TENT2: variants seen among roughly 807,000 people sequenced by gnomAD.
TENT2 encodes the protein poly(A) RNA polymerase GLD2.
Under a neutral mutation model 72.2 loss-of-function variants are expected in TENT2, and 44 were observed. The ratio of observed to expected loss-of-function variants is 0.61; its 90% confidence interval spans 0.48 to 0.78. TENT2 has a LOEUF of 0.78. Ranked by LOEUF, TENT2 falls within the 30% of genes least tolerant of loss-of-function variation. The probability of loss-of-function intolerance (pLI) is 0.00; values close to 1 mark genes in which losing one functional copy is unlikely to be tolerated. For missense variants in TENT2, 541 were observed against 569.6 expected (o/e 0.95, Z 0.51); for synonymous variants, 212 against 192.5 (o/e 1.10, Z -0.84).
chr5:79,657,002 G>A lies in TENT2; in HGVS notation c.1071+1G>A. The stretch of plus-strand genomic sequence containing the variant: ...TCCATCCCTCCAAAAAATTTACCCA[G>A]TAAGTGTTTCTTATAAATTATTATA... On this transcript the variant is annotated splice_donor_variant, in intron 11 of 14. Transcript: ENST00000453514. LOFTEE classifies it high-confidence loss of function. 6.3e-7 allele frequency: 1 copy of A among 1,580,200 alleles called. No individual in the cohort carries two copies. The highest frequency in any genetic ancestry group is 8.7e-7 in the Non-Finnish European group (1 of 1,151,198).
intron 11 of TENT2, among the ~76,000 whole-genome samples, chr5:79,661,706 G>C (rs1003328003): frequency 6.6e-6 from 1 of 152,232 alleles, no homozygotes; most frequent in Non-Finnish European, 1.5e-5. Context: ...GGAGAGTCTT[G>C]CTTTGATACT....
chr5:79,620,590 T>A (rs1319951988), intron 3 of TENT2: 1 of 152,622 alleles, frequency 6.6e-6, no homozygotes, highest in East Asian at 1.9e-4. Flanking sequence ...CACTGTGTCT[T>A]AATATGGCCG....
chr5:79,681,929 C>G, intron 13 of TENT2, 53 bp from the exon 14 acceptor site: 1 of 1,457,606 alleles, frequency 6.9e-7, no homozygotes, highest in Non-Finnish European at 9.5e-7. Context: ...AAAAAAGAAA[C>G]TGTAGCTCTC....
At chr5:79,680,120 TGA>T (rs1473263591) in intron 13 of TENT2, among the ~76,000 whole-genome samples, 3 of 152,202 alleles carry the variant, frequency 2.0e-5, no homozygotes, top group Non-Finnish European at 4.4e-5. Context: ...TACATGTAGT[TGA>T]ATATATCCTT....
chr5:79,668,432 G>A (rs934850287), intron 11 of TENT2, among the ~76,000 whole-genome samples: 2 of 152,048 alleles, frequency 1.3e-5, no homozygotes, highest in Non-Finnish European at 2.9e-5. Flanking sequence ...CTATATTAAA[G>A]TTACTCTTAC....
chr5:79,650,774 C>G (rs1290805824), intron 10 of TENT2, among the ~76,000 whole-genome samples: 3 of 151,962 alleles, frequency 2.0e-5, no homozygotes, highest in Non-Finnish European at 4.4e-5. Flanking sequence ...TCCTGGTAGA[C>G]TGGGCTTCTT....
At chr5:79,633,721 GTTTTTT>G (rs10565563) in intron 4 of TENT2, among the ~76,000 whole-genome samples, 29,739 of 130,222 alleles carry the variant, frequency 0.23, 4,408 homozygotes, top group African/African-American at 0.44. Context: ...AGGCTAAAAA[GTTTTTT>G]TTTTTTTTTT....
At chr5:79,629,015 A>T (rs1158364674) in intron 4 of TENT2, among the ~76,000 whole-genome samples, 1 of 152,298 alleles carries the variant, frequency 6.6e-6, no homozygotes, top group East Asian at 1.9e-4. Flanking sequence ...TGAGTCAGTG[A>T]GGCTGCTGTT....
rs183949861 is a variant in TENT2, at chr5:79,623,237, A to G, written c.228-15A>G. The G allele has an allele frequency of 6.3e-6, 10 of 1,589,566 alleles. No individual in the cohort carries two copies. The highest frequency in any genetic ancestry group is 3.5e-5 in the Admixed American group (2 of 57,266). Reference sequence around the variant, plus strand: ...GTTGTATCTTTAATTACTAAGGTATATTGCTTGTTTTCAGGAGATTAAGCG... The same window carrying G: ...GTTGTATCTTTAATTACTAAGGTATGTTGCTTGTTTTCAGGAGATTAAGCG... On this transcript the variant is annotated splice_polypyrimidine_tract_variant and intron_variant, in intron 3 of 14. Transcript: ENST00000453514.
chr5:79,657,041 CAA>C, intron 11 of TENT2, 40 bp downstream of exon 11: 1 of 1,339,026 alleles, frequency 7.5e-7, no homozygotes, highest in South Asian at 1.2e-5. Flanking sequence ...CATTTTATGT[CAA>C]GTGTATGTAG....
intron 8 of TENT2, among the ~76,000 whole-genome samples, chr5:79,648,250 G>C (rs903298892): frequency 3.3e-5 from 5 of 152,046 alleles, no homozygotes; most frequent in African/African-American, 1.2e-4. Flanking sequence ...TGAGGCTGGA[G>C]TAAGCTATGA....
At chr5:79,625,580 T>C (rs1414393450) in intron 4 of TENT2, among the ~76,000 whole-genome samples, 1 of 152,134 alleles carries the variant, frequency 6.6e-6, no homozygotes, top group African/African-American at 2.4e-5. Context: ...TTTTATAGTT[T>C]TAATTCTTAT....
chr5:79,621,936 G>A (rs1341804624), intron 3 of TENT2, among the ~76,000 whole-genome samples: 3 of 152,022 alleles, frequency 2.0e-5, no homozygotes, highest in African/African-American at 7.3e-5. Context: ...TTACCTGTGA[G>A]TAGGGGTTCC....
At chr5:79,624,816 T>A (rs1768080862) in intron 4 of TENT2, among the ~76,000 whole-genome samples, 1 of 152,206 alleles carries the variant, frequency 6.6e-6, no homozygotes, top group South Asian at 2.1e-4. Context: ...AGCTGATGAA[T>A]TTCTGGGTTG....
intron 6 of TENT2, among the ~76,000 whole-genome samples, chr5:79,642,229 A>G (rs1265646952): frequency 1.3e-5 from 2 of 152,042 alleles, no homozygotes; most frequent in Admixed American, 6.5e-5. Flanking sequence ...AGTTACTGCA[A>G]GTCAGAAAGA....
chr5:79,675,393 G>A (rs1816451859), intron 12 of TENT2, among the ~76,000 whole-genome samples: 1 of 152,164 alleles, frequency 6.6e-6, no homozygotes, highest in Non-Finnish European at 1.5e-5. Flanking sequence ...AGTGAAATGA[G>A]TCAGGGACAT....
chr5:79,687,732 T>C lies in TENT2; in HGVS notation c.*2459T>C, dbSNP rs1380849360. ...GAGGGTTGACTGTATTTGCATATGT[T>C]GTTAAAGTGGTGTTTAAAATGTGCA... On this transcript the variant is annotated 3_prime_UTR_variant, in exon 15 of 15. Transcript: ENST00000453514. Among the ~76,000 whole-genome samples the C allele has an allele frequency of 6.6e-6, 1 of 152,228 alleles. No homozygotes were observed. The highest frequency in any genetic ancestry group is 1.5e-5 in the Non-Finnish European group (1 of 68,040).
chr5:79,645,271 G>T, intron 8 of TENT2, 79 bp downstream of exon 8: 3 of 1,091,748 alleles, frequency 2.7e-6, no homozygotes, highest in Non-Finnish European at 4.0e-6. Flanking sequence ...TAATTAAGAA[G>T]TGTATGTTGT....
Position 79,648,760 on chromosome 5 carries a change from CATAA to C in TENT2, c.898+71_898+74del, listed in dbSNP as rs372258617. 78 of 1,207,990 alleles carry C rather than the reference CATAA, an allele frequency of 6.5e-5. 3 individuals are homozygous for C. In the African/African-American group the frequency reaches 7.2e-4, roughly 11 times the overall value. 74.8% of individuals were successfully genotyped at this position (1,207,990 alleles called of 1,614,324 possible). Reference sequence around the variant, plus strand: ...TTTATTCATTTTTAAAGATGTTTGGCATAAATAGTGACATCTCTTTAGTTGTGTT... The same window carrying C: ...TTTATTCATTTTTAAAGATGTTTGGCATAGTGACATCTCTTTAGTTGTGTT... On this transcript the variant is annotated intron_variant, in intron 9 of 14. Transcript: ENST00000453514.
Sources: gnomAD v4.1 joint callset for allele counts (sites outside exome capture counted in the v4.1 genomes callset) on GRCh38, gnomAD v4.1.1 for gene constraint, MANE v1.5 for transcripts, NCBI Gene and HGNC (gene_info 2026-07-23, HGNC 2026-07-21) for gene names.